Variants in PPP1R3A observed in about 807,000 individuals in gnomAD.
PPP1R3A encodes protein phosphatase 1 regulatory subunit 3A.
In PPP1R3A, 29 loss-of-function variants were observed where a neutral mutation model predicts 41.7. The ratio of observed to expected loss-of-function variants is 0.70; its 90% CI spans 0.52 to 0.95. The LOEUF (loss-of-function observed/expected upper bound fraction) is 0.95. PPP1R3A is among the 40% of genes least tolerant of loss of function. The probability of loss-of-function intolerance (pLI) is 0.00; values close to 1 mark genes in which losing one functional copy is unlikely to be tolerated. For missense variants in PPP1R3A, 1,352 were observed against 1,292.4 expected (o/e 1.05, Z -0.71); for synonymous variants, 485 against 453.4 (o/e 1.07, Z -0.89).
intron 1 of PPP1R3A, among the ~76,000 whole-genome samples, chr7:113,911,915 G>A (rs1312057046): frequency 6.6e-6 from 1 of 152,056 alleles, no homozygotes; most frequent in Non-Finnish European, 1.5e-5. Context: ...TCTACAAAAT[G>A]TCAGCAACTG....
intron 1 of PPP1R3A, among the ~76,000 whole-genome samples, chr7:113,889,781 A>G (rs1713892710): frequency 6.6e-6 from 1 of 152,182 alleles, no homozygotes; most frequent in Admixed American, 6.6e-5. Context: ...TATTCATTCA[A>G]TGCATCATCA....
intron 1 of PPP1R3A, 85 bp downstream of exon 1, chr7:113,918,130 G>A: frequency 7.6e-7 from 1 of 1,313,682 alleles, no homozygotes; most frequent in Admixed American, 2.3e-5. Context: ...TTTAAATAGA[G>A]TCACTTTCTT....
chr7:113,911,817 C>G (rs747427047), intron 1 of PPP1R3A, among the ~76,000 whole-genome samples: 1 of 151,920 alleles, frequency 6.6e-6, no homozygotes, highest in Admixed American at 6.6e-5. Context: ...AGCATTTCTC[C>G]GTTAATCTTG....
At chr7:113,880,749 A>C (rs969427311) in intron 3 of PPP1R3A, among the ~76,000 whole-genome samples, 1 of 150,508 alleles carries the variant, frequency 6.6e-6, no homozygotes, top group African/African-American at 2.4e-5. Context: ...TGACATTTGC[A>C]TGATCTCAAT....
Position 113,878,654 on chromosome 7 carries a change from C to A in PPP1R3A, c.2438G>T (p.Arg813Leu). Residue 813 changes from arginine to leucine, a missense_variant, in exon 4 of 4, where the codon CGT (arginine) becomes CTT (leucine). Physicochemically the swap from Arg to Leu is moderately radical, Grantham distance 102. Transcript: ENST00000284601. ...TTCTTCCTTCTCCATTTCATCTACA[C>A]GTACATTACAAATACCTAAACGTGA... Reference protein sequence around the residue: ...KESRLGICNVRVDEMEKEETM... With the variant: ...KESRLGICNVLVDEMEKEETM... The A allele has an allele frequency of 6.2e-7, 1 of 1,613,390 alleles. No homozygotes were observed. The highest frequency in any genetic ancestry group is 8.5e-7 in the Non-Finnish European group (1 of 1,179,644).
intron 3 of PPP1R3A, among the ~76,000 whole-genome samples, chr7:113,880,813 C>G (rs556139764): frequency 1.3e-5 from 2 of 151,666 alleles, no homozygotes; most frequent in Non-Finnish European, 2.9e-5. Context: ...GCTCATGTTA[C>G]TTGTCAACTG....
At chr7:113,918,147 C>A in intron 1 of PPP1R3A, 68 bp downstream of exon 1, 1 of 1,409,760 alleles carries the variant, frequency 7.1e-7, no homozygotes, top group Non-Finnish European at 9.6e-7. Context: ...TCTTACAACA[C>A]ATGAAATAAA....
At chr7:113,899,054 T>C (rs1797021734) in intron 1 of PPP1R3A, among the ~76,000 whole-genome samples, 1 of 151,788 alleles carries the variant, frequency 6.6e-6, no homozygotes, top group South Asian at 2.1e-4. Flanking sequence ...ACTGGCCTAA[T>C]CAGCATTTAT....
In PPP1R3A at chr7:113,918,587, A is replaced by G. The variant is rs1797381260; in HGVS notation, c.410T>C (p.Leu137Pro). 6.2e-7 allele frequency: 1 copy of G among 1,613,556 alleles called. No homozygotes were observed. Among genetic ancestry groups the G allele is most frequent in the African/African-American group, 1.3e-5 (1 of 75,042 alleles). The stretch of plus-strand genomic sequence containing the variant: ...AATACCCTTGATACTTGTAGACCCA[A>G]GAAGAGACTCAGTTGACTCCAGTAT... Reference protein sequence around the residue: ...KAILESTESLLGSTSIKGIIR... With the variant: ...KAILESTESLPGSTSIKGIIR... The change falls in exon 1 of 4, where the codon CTT becomes CCT. Residue 137 changes from leucine (L) to proline (P), a missense_variant. Transcript: ENST00000284601.
At chr7:113,916,521 C>A (rs1056503270) in intron 1 of PPP1R3A, among the ~76,000 whole-genome samples, 16 of 152,008 alleles carry the variant, frequency 1.1e-4, no homozygotes, top group African/African-American at 3.9e-4. Flanking sequence ...CTATCCAAAC[C>A]ACAGTTCAGC....
In PPP1R3A at chr7:113,914,729, T is replaced by G. The variant is rs534555173; in HGVS notation, c.782+3486A>C. Among the ~76,000 whole-genome samples the G allele has an allele frequency of 2.6e-5, 4 of 152,222 alleles. No individual in the cohort carries two copies. The East Asian group carries it at 7.7e-4, about 29-fold the overall frequency. On this transcript the variant is annotated intron_variant, in intron 1 of 3. Transcript: ENST00000284601. ...CACTGTGCTAAAAGTTTATATGTAT[T>G]ACTTCACCGAAATCTCAACCCCTAT...
intron 1 of PPP1R3A, among the ~76,000 whole-genome samples, chr7:113,905,992 G>T (rs1797139581): frequency 6.6e-6 from 1 of 151,768 alleles, no homozygotes; most frequent in African/African-American, 2.4e-5. Context: ...TGAGATGTTA[G>T]AATTACTTGA....
intron 1 of PPP1R3A, among the ~76,000 whole-genome samples, chr7:113,911,723 A>T (rs1797255165): frequency 6.6e-6 from 1 of 152,110 alleles, no homozygotes; most frequent in African/African-American, 2.4e-5. Context: ...CTAGTCCCCC[A>T]AGACTTATTG....
At chr7:113,901,815 A>G (rs532208577) in intron 1 of PPP1R3A, among the ~76,000 whole-genome samples, 1 of 151,834 alleles carries the variant, frequency 6.6e-6, no homozygotes, top group Admixed American at 6.6e-5. Flanking sequence ...AAGTATTGCA[A>G]ATCTCTTTAA....
Position 113,878,293 on chromosome 7 carries a change from A to G in PPP1R3A, c.2799T>C (p.Ala933=). The change falls in exon 4 of 4, where the codon GCT becomes GCC. Residue 933 remains alanine, a synonymous_variant. Transcript: ENST00000284601. ...CCATGGTAGTAACTGCATTCTCTAC[A>G]GCAATTGCCTGCTCATTAGTTGACA... ...ISVSTNEQAI[A]VENAVTTMAS... 3 of 1,613,242 alleles carry G rather than the reference A, an allele frequency of 1.9e-6. No homozygotes were observed. Among genetic ancestry groups the G allele is most frequent in the Non-Finnish European group, 2.5e-6 (3 of 1,179,590 alleles).
intron 1 of PPP1R3A, among the ~76,000 whole-genome samples, chr7:113,902,075 T>A (rs1797070767): frequency 6.6e-6 from 1 of 151,864 alleles, no homozygotes; most frequent in Admixed American, 6.6e-5. Context: ...ATCTTTTTCT[T>A]GGTCTCTTAA....
At chr7:113,897,516 A>T (rs1796996613) in intron 1 of PPP1R3A, among the ~76,000 whole-genome samples, 1 of 151,354 alleles carries the variant, frequency 6.6e-6, no homozygotes, top group Non-Finnish European at 1.5e-5. Flanking sequence ...CTATGATTGC[A>T]CCACTGCAAT....
intron 3 of PPP1R3A, among the ~76,000 whole-genome samples, 155 bp from the exon 4 acceptor site, chr7:113,880,280 T>C (rs983198271): frequency 6.6e-6 from 1 of 152,026 alleles, no homozygotes; most frequent in African/African-American, 2.4e-5. Flanking sequence ...GGAAGCCAGA[T>C]GTTTTGGGGA....
intron 1 of PPP1R3A, among the ~76,000 whole-genome samples, chr7:113,915,689 G>T (rs1797330751): frequency 6.6e-6 from 1 of 151,014 alleles, no homozygotes; most frequent in African/African-American, 2.4e-5. Flanking sequence ...AGCTACATAG[G>T]AAGTGTAGAA....
Sources: allele counts gnomAD v4.1 joint callset (sites outside exome capture counted in the v4.1 genomes callset), GRCh38; gene constraint gnomAD v4.1.1; transcripts MANE v1.5; gene names NCBI Gene and HGNC (gene_info 2026-07-23, HGNC 2026-07-21).